The following NAALADL2 variants were observed in gnomAD, a reference collection of about 807,000 sequenced individuals.
NAALADL2 encodes inactive N-acetylated-alpha-linked acidic dipeptidase-like protein 2.
Under a neutral mutation model 87.2 loss-of-function variants are expected in NAALADL2, and 76 were observed. The ratio of observed to expected loss-of-function variants is 0.87; its 90% confidence interval spans 0.72 to 1.05. NAALADL2 has a LOEUF of 1.05. NAALADL2 is among the 50% of genes least tolerant of loss of function. The probability of loss-of-function intolerance (pLI) is 0.00; values close to 1 mark genes in which losing one functional copy is unlikely to be tolerated. For missense variants in NAALADL2, 1,089 were observed against 945.8 expected, an observed-to-expected ratio of 1.15 and a Z score of -1.99; for synonymous variants, 354 against 331.0, an observed-to-expected ratio of 1.07 and a Z score of -0.75.
At chr3:174,529,472 G>C (rs1365092008) in intron 1 of NAALADL2, among the ~76,000 whole-genome samples, 1 of 152,194 alleles carries the variant, frequency 6.6e-6, no homozygotes, top group Non-Finnish European at 1.5e-5. Context: ...GAGGATGGTG[G>C]CCCTCTTCTC....
In NAALADL2 at chr3:175,426,928, A is replaced by G. The variant is rs543024905; in HGVS notation, c.1091-20301A>G. ...ATTCTTCACTTTGTGATGACCGGAA[A>G]CAGAATGTGCTGACTAAGCAACCTG... On this transcript the variant is annotated intron_variant, in intron 5 of 13. Coordinates refer to ENST00000454872, the MANE Select transcript of NAALADL2 (RefSeq NM_207015.3). Among the ~76,000 whole-genome samples the G allele has an allele frequency of 3.3e-5, 5 of 152,296 alleles. No homozygotes were observed. The South Asian group carries it at 1.0e-3, about 32-fold the overall frequency.
chr3:175,425,633 A>G (rs1716648090), intron 5 of NAALADL2, among the ~76,000 whole-genome samples: 1 of 152,188 alleles, frequency 6.6e-6, no homozygotes, highest in Middle Eastern at 3.4e-3. Flanking sequence ...GTTTGTATCT[A>G]TAAGATAAGA....
chr3:175,635,757 C>T (rs928959592), intron 11 of NAALADL2, among the ~76,000 whole-genome samples: 11 of 152,048 alleles, frequency 7.2e-5, no homozygotes, highest in Admixed American at 3.9e-4. Flanking sequence ...GGAGACTCTA[C>T]CTTTCCATAT....
At chr3:174,740,168 ATTTTTTAAAAAAATT>A (rs1233226248) in intron 3 of NAALADL2, among the ~76,000 whole-genome samples, 3 of 151,700 alleles carry the variant, frequency 2.0e-5, no homozygotes, top group Non-Finnish European at 4.4e-5. Flanking sequence ...AACAAACCTA[ATTTTTTAAAAAAATT>A]GTCTTTTGAG....
At chr3:175,093,744 C>A (rs114157361) in intron 1 of NAALADL2, among the ~76,000 whole-genome samples, 1 of 151,658 alleles carries the variant, frequency 6.6e-6, no homozygotes, top group Non-Finnish European at 1.5e-5. Flanking sequence ...ACCTTTATCC[C>A]AGATGTGACT....
chr3:175,252,273 G>A (rs1002713711), intron 3 of NAALADL2, among the ~76,000 whole-genome samples: 3 of 152,040 alleles, frequency 2.0e-5, no homozygotes, highest in Non-Finnish European at 4.4e-5. Flanking sequence ...ACATCTCTAT[G>A]TCACTTTTTG....
chr3:174,945,007 G>C (rs1303969660), intron 1 of NAALADL2, among the ~76,000 whole-genome samples: 6 of 152,056 alleles, frequency 3.9e-5, no homozygotes, highest in Admixed American at 3.9e-4. Flanking sequence ...GTTCTTCTGG[G>C]TGAGAGGCAG....
chr3:174,655,984 A>C (rs1724878379), intron 2 of NAALADL2, among the ~76,000 whole-genome samples: 1 of 152,202 alleles, frequency 6.6e-6, no homozygotes, highest in African/African-American at 2.4e-5. Flanking sequence ...GTATCACTTC[A>C]AGTGAGTTAT....
intron 5 of NAALADL2, among the ~76,000 whole-genome samples, chr3:175,391,028 C>G (rs758960029): frequency 2.0e-5 from 3 of 152,084 alleles, no homozygotes; most frequent in Non-Finnish European, 2.9e-5. Context: ...TTTATATGAA[C>G]CTTTATGGAG....
At chr3:175,714,097 A>C (rs928855389) in intron 11 of NAALADL2, among the ~76,000 whole-genome samples, 10 of 152,132 alleles carry the variant, frequency 6.6e-5, no homozygotes, top group African/African-American at 2.4e-4. Context: ...TCCATGGTGT[A>C]TATGTGCCAC....
intron 1 of NAALADL2, among the ~76,000 whole-genome samples, chr3:174,905,445 C>T (rs1002167096): frequency 2.0e-5 from 3 of 151,568 alleles, no homozygotes; most frequent in East Asian, 1.9e-4. Context: ...GTAGCATATT[C>T]GTAAAGTTAA....
intron 3 of NAALADL2, among the ~76,000 whole-genome samples, chr3:174,755,434 T>C (rs1404002214): frequency 6.6e-6 from 1 of 152,228 alleles, no homozygotes; most frequent in Non-Finnish European, 1.5e-5. Flanking sequence ...AGAAATCTGG[T>C]GAAATTAATA....
At chr3:174,878,324 A>AT (rs1296347753) in intron 1 of NAALADL2, among the ~76,000 whole-genome samples, 1 of 151,922 alleles carries the variant, frequency 6.6e-6, no homozygotes, top group East Asian at 1.9e-4. Flanking sequence ...TTTCTGAGCA[A>AT]TTTTTTTCTC....
chr3:174,922,414 A>G (rs1353972594), intron 1 of NAALADL2, among the ~76,000 whole-genome samples: 3 of 152,116 alleles, frequency 2.0e-5, no homozygotes, highest in African/African-American at 7.2e-5. Flanking sequence ...CAAGTTTCAT[A>G]TATCACTCAA....
At chr3:175,239,461 C>A (rs1203260427) in intron 3 of NAALADL2, among the ~76,000 whole-genome samples, 1 of 152,140 alleles carries the variant, frequency 6.6e-6, no homozygotes, top group East Asian at 1.9e-4. Context: ...GAAACACCAG[C>A]AGATGTAGAA....
intron 12 of NAALADL2, among the ~76,000 whole-genome samples, chr3:175,751,468 A>C (rs1047702168): frequency 5.9e-5 from 9 of 152,044 alleles, no homozygotes; most frequent in Non-Finnish European, 1.3e-4. Flanking sequence ...ATGGGTTTGT[A>C]GTAACTTGTG....
intron 3 of NAALADL2, among the ~76,000 whole-genome samples, chr3:174,778,501 A>G (rs912975436): frequency 2.6e-5 from 4 of 151,640 alleles, no homozygotes; most frequent in African/African-American, 9.7e-5. Flanking sequence ...TGTTTATTAC[A>G]CTTTAAGTTC....
chr3:175,659,469 C>A (rs1300086056), intron 11 of NAALADL2, among the ~76,000 whole-genome samples: 1 of 152,128 alleles, frequency 6.6e-6, no homozygotes, highest in South Asian at 2.1e-4. Context: ...AGCAGCACTG[C>A]AGTCTATTTT....
chr3:174,502,482 T>C (rs947699444), intron 1 of NAALADL2, among the ~76,000 whole-genome samples: 8 of 152,226 alleles, frequency 5.3e-5, no homozygotes, highest in African/African-American at 1.9e-4. Context: ...AATACTGATA[T>C]AGCATTATGA....
Sources: gnomAD v4.1 joint callset for allele counts (sites outside exome capture counted in the v4.1 genomes callset) on GRCh38, gnomAD v4.1.1 for gene constraint, MANE v1.5 for transcripts, NCBI Gene and HGNC (gene_info 2026-07-23, HGNC 2026-07-21) for gene names.